CPQ: variants seen among roughly 807,000 people sequenced by gnomAD.
CPQ encodes the protein carboxypeptidase Q, also known as Ser-Met dipeptidase.
CPQ carries 37 observed loss-of-function variants against 45.7 expected under a neutral mutation model. That is an observed-to-expected ratio of 0.81 (90% CI 0.62 to 1.07). The LOEUF is 1.07. CPQ is among the 50% of genes least tolerant of loss of function. The pLI is 0.00. For missense variants in CPQ, 537 were observed against 572.9 expected (o/e 0.94, Z 0.64); for synonymous variants, 186 against 205.8 (o/e 0.90, Z 0.82).
intron 4 of CPQ, among the ~76,000 whole-genome samples, chr8:96,890,789 C>G (rs1027305831): frequency 1.3e-5 from 2 of 152,164 alleles, no homozygotes; most frequent in Non-Finnish European, 2.9e-5. Flanking sequence ...TCTAAGCCAG[C>G]AGAATATAAT....
intron 1 of CPQ, among the ~76,000 whole-genome samples, chr8:96,759,916 T>C (rs1810376873): frequency 6.6e-6 from 1 of 152,188 alleles, no homozygotes; most frequent in Non-Finnish European, 1.5e-5. Context: ...GGAATTGTTA[T>C]TATTCCCCCC....
chr8:97,005,875 T>G (rs1809373159), intron 5 of CPQ, among the ~76,000 whole-genome samples: 1 of 152,202 alleles, frequency 6.6e-6, no homozygotes, highest in Admixed American at 6.5e-5. Context: ...GGAAATTTTT[T>G]TATCATATAT....
Position 96,730,866 on chromosome 8 carries a change from C to CATACATAT in CPQ, c.-34-53995_-34-53994insCATATATA, listed in dbSNP as rs56216136. Among the ~76,000 whole-genome samples the CATACATAT allele has an allele frequency of 1.3e-3, 92 of 68,606 alleles. 1 individual carries two copies. Among genetic ancestry groups the CATACATAT allele is most frequent in the South Asian group, 5.5e-3 (8 of 1,450 alleles). 45.0% of individuals were successfully genotyped at this position (68,606 alleles called of 152,430 possible). ...GATCTAGATCAATTAACCATACATA[C>CATACATAT]ATATATATATATATATATATATATA... On this transcript the variant is annotated intron_variant, in intron 1 of 7. Transcript: ENST00000220763.
chr8:96,891,172 C>CT (rs1029112091), intron 4 of CPQ, among the ~76,000 whole-genome samples: 19 of 152,314 alleles, frequency 1.2e-4, no homozygotes, highest in African/African-American at 4.6e-4. Flanking sequence ...AGAGGCAATG[C>CT]TGTGTGGAAT....
chr8:97,112,502 T>C (rs1811514801), intron 7 of CPQ, among the ~76,000 whole-genome samples: 1 of 151,898 alleles, frequency 6.6e-6, no homozygotes, highest in Non-Finnish European at 1.5e-5. Flanking sequence ...CATGGCACAA[T>C]AAGGAAGCAG....
At chr8:97,122,887 T>C (rs1811732639) in intron 7 of CPQ, among the ~76,000 whole-genome samples, 1 of 52,698 alleles carries the variant, frequency 1.9e-5, no homozygotes, top group Admixed American at 2.9e-4. Context: ...TCTGTCTCAA[T>C]AAAATAAAAT....
In CPQ at chr8:97,040,853, T is replaced by C. The variant is rs1586509042; in HGVS notation, c.1053+11359T>C. On this transcript the variant is annotated intron_variant, in intron 6 of 7. Coordinates refer to ENST00000220763, the MANE Select transcript of CPQ (RefSeq NM_016134.4). The stretch of plus-strand genomic sequence containing the variant: ...GTTCCATTGATCTATATCTCTGTTT[T>C]GGTACCAGTACCATGCTGTTTGGGT... Among the ~76,000 whole-genome samples, 4 of 152,366 alleles carry C rather than the reference T, an allele frequency of 2.6e-5. No homozygotes were observed. In the South Asian group the frequency reaches 8.3e-4, roughly 32 times the overall value.
chr8:96,734,092 T>C (rs1809947264), intron 1 of CPQ, among the ~76,000 whole-genome samples: 1 of 152,238 alleles, frequency 6.6e-6, no homozygotes, highest in Admixed American at 6.5e-5. Flanking sequence ...CAGCTGTATG[T>C]AGCAGTATGG....
At chr8:96,853,830 G>C (rs1811804770) in intron 3 of CPQ, among the ~76,000 whole-genome samples, 1 of 152,090 alleles carries the variant, frequency 6.6e-6, no homozygotes, top group South Asian at 2.1e-4. Context: ...GCATGTCCTG[G>C]TATTAGGATT....
intron 1 of CPQ, among the ~76,000 whole-genome samples, chr8:96,701,578 T>C (rs1057282629): frequency 6.6e-6 from 1 of 152,162 alleles, no homozygotes; most frequent in Non-Finnish European, 1.5e-5. Flanking sequence ...TAGAAAAGCA[T>C]GAGAAAGGGC....
chr8:96,719,331 GC>G (rs1274763993), intron 1 of CPQ, among the ~76,000 whole-genome samples: 2 of 152,236 alleles, frequency 1.3e-5, no homozygotes, highest in Non-Finnish European at 2.9e-5. Flanking sequence ...TGGCCTGGGT[GC>G]TAAGTTCCTC....
intron 1 of CPQ, among the ~76,000 whole-genome samples, chr8:96,690,364 T>A (rs1809289970): frequency 6.6e-6 from 1 of 152,160 alleles, no homozygotes; most frequent in Non-Finnish European, 1.5e-5. Flanking sequence ...ATAACAATTG[T>A]CCTTATGATT....
At chr8:96,836,793 A>ATTT (rs200497470) in intron 3 of CPQ, among the ~76,000 whole-genome samples, 4 of 142,382 alleles carry the variant, frequency 2.8e-5, no homozygotes, top group African/African-American at 2.6e-5. Context: ...ATTCACTGGC[A>ATTT]TTTTTTTTTT....
intron 1 of CPQ, among the ~76,000 whole-genome samples, chr8:96,694,664 C>G (rs1809347848): frequency 6.6e-6 from 1 of 151,834 alleles, no homozygotes; most frequent in South Asian, 2.1e-4. Context: ...CAATGTGCTC[C>G]TGAATGACCA....
intron 5 of CPQ, among the ~76,000 whole-genome samples, chr8:96,996,791 C>T (rs2853275): frequency 0.48 from 72,728 of 151,708 alleles, 19,774 homozygotes; most frequent in African/African-American, 0.76. Context: ...GGTCATAACA[C>T]TGGGGGAGGT....
At chr8:97,096,332 A>G (rs997470697) in intron 7 of CPQ, among the ~76,000 whole-genome samples, 10 of 152,150 alleles carry the variant, frequency 6.6e-5, no homozygotes, top group Admixed American at 6.6e-4. Context: ...TTATTACTTT[A>G]TGAGAAAGAG....
intron 5 of CPQ, among the ~76,000 whole-genome samples, chr8:97,006,720 A>T (rs1448192994): frequency 6.6e-6 from 1 of 152,210 alleles, no homozygotes; most frequent in African/African-American, 2.4e-5. Flanking sequence ...CTGATATGTT[A>T]TGCTGACAAC....
intron 1 of CPQ, among the ~76,000 whole-genome samples, chr8:96,653,751 T>A (rs1169251355): frequency 6.6e-6 from 1 of 152,150 alleles, no homozygotes; most frequent in Non-Finnish European, 1.5e-5. Flanking sequence ...AGGTCTTCAC[T>A]CTTGTCATCT....
intron 7 of CPQ, among the ~76,000 whole-genome samples, chr8:97,083,225 AG>A (rs754233827): frequency 6.6e-6 from 1 of 152,196 alleles, no homozygotes; most frequent in Non-Finnish European, 1.5e-5. Context: ...TGGTTTTCCA[AG>A]GGGGGTGAAT....
Sources: allele counts gnomAD v4.1 joint callset (sites outside exome capture counted in the v4.1 genomes callset), GRCh38; gene constraint gnomAD v4.1.1; transcripts MANE v1.5; gene names NCBI Gene and HGNC (gene_info 2026-07-23, HGNC 2026-07-21).